JAK2: variants seen among roughly 807,000 people sequenced by gnomAD.
JAK2 encodes the protein Janus kinase 2.
In JAK2, 86 loss-of-function variants were observed where a neutral mutation model predicts 139.3. That is an observed-to-expected ratio of 0.62 (90% CI 0.52 to 0.74). JAK2 has a LOEUF of 0.74. Ranked by LOEUF, JAK2 falls within the 30% of genes least tolerant of loss-of-function variation. The pLI, the probability that JAK2 is intolerant of heterozygous loss-of-function variation, is 0.00. For missense variants in JAK2, 1,421 were observed against 1,360.3 expected, an observed-to-expected ratio of 1.04 and a Z score of -0.70; for synonymous variants, 490 against 437.7, an observed-to-expected ratio of 1.12 and a Z score of -1.49.
intron 4 of JAK2, among the ~76,000 whole-genome samples, chr9:5,032,870 C>T (rs1262999454): frequency 6.6e-6 from 1 of 152,192 alleles, no homozygotes; most frequent in Non-Finnish European, 1.5e-5. Context: ...CAGCTCCTTA[C>T]CAGCAACGGA....
chr9:5,063,617 G>T (rs900567533), intron 8 of JAK2, among the ~76,000 whole-genome samples: 1 of 152,024 alleles, frequency 6.6e-6, no homozygotes, highest in Non-Finnish European at 1.5e-5. Context: ...ATTTAGAGAG[G>T]ATTTTTACAT....
intron 22 of JAK2, chr9:5,112,450 G>A (rs1215031414): frequency 3.7e-6 from 2 of 534,334 alleles, no homozygotes; most frequent in East Asian, 3.5e-5. Context: ...GGAGAAGAAG[G>A]AGCTGAAGGA....
intron 4 of JAK2, among the ~76,000 whole-genome samples, chr9:5,043,851 G>C (rs975937218): frequency 3.3e-5 from 5 of 152,166 alleles, no homozygotes; most frequent in Non-Finnish European, 7.4e-5. Flanking sequence ...AGACAGAAAG[G>C]CCACATGTTC....
rs757581014 is a variant in JAK2 at position 5,128,377 on chromosome 9, T to G, written c.*1586T>G. Among the ~76,000 whole-genome samples, 3 of 151,850 alleles carry G rather than the reference T, an allele frequency of 2.0e-5. No individual in the cohort carries two copies. The South Asian group carries it at 6.2e-4, about 31-fold the overall frequency. On this transcript the variant is annotated 3_prime_UTR_variant, in exon 25 of 25. Transcript: ENST00000381652. ...TTAGGTTTTAAAAAGATTTTAGATT[T>G]TTTTGAAAGTTTAATTTTTATTTGT... is the stretch of plus-strand genomic sequence containing the variant.
At chr9:4,998,709 CA>C (rs1210402493) in intron 2 of JAK2, among the ~76,000 whole-genome samples, 2 of 149,546 alleles carry the variant, frequency 1.3e-5, no homozygotes, top group African/African-American at 4.9e-5. Context: ...AGAAGTAGCT[CA>C]AAATCTCCTA....
chr9:4,990,136 G>A (rs1375469508), intron 2 of JAK2, among the ~76,000 whole-genome samples: 1 of 152,184 alleles, frequency 6.6e-6, no homozygotes, highest in Non-Finnish European at 1.5e-5. Context: ...GATAAGAAGG[G>A]AGAATGGAGG....
chr9:5,080,886 C>A (rs1179910804), intron 18 of JAK2, among the ~76,000 whole-genome samples: 2 of 138,856 alleles, frequency 1.4e-5, no homozygotes, highest in African/African-American at 5.6e-5. Flanking sequence ...TATAAAAAGA[C>A]CTTTTCTTTT....
chr9:5,099,875 C>G (rs1319270389), intron 22 of JAK2: 11 of 152,150 alleles, frequency 7.2e-5, no homozygotes, highest in Admixed American at 7.2e-4. Flanking sequence ...ATAGCAATCC[C>G]CCTGTGAGCA....
intron 5 of JAK2, among the ~76,000 whole-genome samples, chr9:5,047,913 G>A (rs1183037203): frequency 6.6e-6 from 1 of 152,020 alleles, no homozygotes; most frequent in Non-Finnish European, 1.5e-5. Context: ...AAATTTTTCA[G>A]TAGTTCTAAT....
At chr9:5,112,076 TAAGA>T (rs1442073311) in intron 22 of JAK2, 1 of 386,476 alleles carries the variant, frequency 2.6e-6, no homozygotes, top group Non-Finnish European at 5.2e-6. Context: ...GCCTGGAGAG[TAAGA>T]TAGAAGACCA....
Position 5,072,629 on chromosome 9 carries a change from G to A in JAK2, c.1776+3G>A, listed in dbSNP as rs374904370. ...AAGCACACAGAAACTATTCAGAGGT[G>A]TGTATGTTCTTTATATTGTTCATGT... On this transcript the variant is annotated splice_donor_region_variant and intron_variant, in intron 13 of 24. Transcript: ENST00000381652. 5.7e-6 allele frequency: 9 copies of A among 1,584,068 alleles called. No individual in the cohort carries two copies. Among genetic ancestry groups the A allele is most frequent in the Non-Finnish European group, 7.7e-6 (9 of 1,163,322 alleles).
chr9:5,114,435 A>G (rs967219219), intron 22 of JAK2: 3 of 486,778 alleles, frequency 6.2e-6, no homozygotes, highest in Non-Finnish European at 8.1e-6. Context: ...CTACCAGTGC[A>G]GGGTGACCCA....
chr9:5,042,216 C>A (rs1022556272), intron 4 of JAK2, among the ~76,000 whole-genome samples: 3 of 150,010 alleles, frequency 2.0e-5, no homozygotes, highest in Non-Finnish European at 4.4e-5. Flanking sequence ...CGGCTCACTG[C>A]AAGCTCCGCC....
At chr9:5,114,742 T>C (rs75448287) in intron 22 of JAK2, 15,028 of 358,652 alleles carry the variant, frequency 0.042, 437 homozygotes, top group Middle Eastern at 0.075. Context: ...ATCTGCTCTG[T>C]GGTCCATGAG....
At position 4,985,347 on chromosome 9, in the gene JAK2, G is replaced by A. The variant is rs1819881413; in HGVS notation, c.-392G>A. Reference sequence around the variant, plus strand: ...GCTGGGCCGGCGCCCGGCTCGCTTGGGTGTTCGCGTCGCCACTTCGGCTTC... The same window carrying A: ...GCTGGGCCGGCGCCCGGCTCGCTTGAGTGTTCGCGTCGCCACTTCGGCTTC... On this transcript the variant is annotated 5_prime_UTR_variant, in exon 1 of 25. Transcript: ENST00000381652. The A allele has an allele frequency of 6.6e-6, 1 of 152,518 alleles. No individual in the cohort carries two copies. Among genetic ancestry groups the A allele is most frequent in the African/African-American group, 2.4e-5 (1 of 41,464 alleles). 9.4% of individuals were successfully genotyped at this position (152,518 alleles called of 1,614,324 possible). A position where few individuals can be genotyped will look rare whatever the true frequency, so the allele number is the denominator to read the frequency against.
chr9:5,103,221 C>CAAAAAAAAAA lies in JAK2; in HGVS notation c.3059+12335_3059+12344dup. Among the ~76,000 whole-genome samples the CAAAAAAAAAA allele has an allele frequency of 7.3e-4, 5 of 6,872 alleles. 1 individual carries two copies. The highest frequency in any genetic ancestry group is 1.0e-3 in the Non-Finnish European group (4 of 4,008). 4.5% of individuals were successfully genotyped at this position (6,872 alleles called of 152,430 possible). On this transcript the variant is annotated intron_variant, in intron 22 of 24. Transcript: ENST00000381652. Reference sequence around the variant, plus strand: ...GAAGATCTACCAAGCAAAGGGAAAGCAAAAAAAAAAAAAAAAAAAAAAAAA... The same window carrying CAAAAAAAAAA: ...GAAGATCTACCAAGCAAAGGGAAAGCAAAAAAAAAAAAAAAAAAAAAAAAAAAAAAAAAAA...
chr9:5,109,457 G>A (rs1411030691), intron 22 of JAK2: 1 of 152,052 alleles, frequency 6.6e-6, no homozygotes, highest in Non-Finnish European at 1.5e-5. Context: ...TTGGCCTTAG[G>A]AACCAAAAAC....
chr9:5,070,543 C>T (rs532709484), intron 12 of JAK2, among the ~76,000 whole-genome samples: 2 of 152,116 alleles, frequency 1.3e-5, no homozygotes, highest in Non-Finnish European at 2.9e-5. Flanking sequence ...ATCCTATGAA[C>T]ACTGTATTTC....
chr9:5,064,858 ATTTC>A (rs747807110), intron 8 of JAK2, 21 bp from the exon 9 acceptor site: 94 of 1,493,490 alleles, frequency 6.3e-5, no homozygotes, highest in Non-Finnish European at 8.1e-5. Flanking sequence ...AAAAGGTGCT[ATTTC>A]TTTTTCTTTT....
Sources: allele counts gnomAD v4.1 joint callset (sites outside exome capture counted in the v4.1 genomes callset), GRCh38; gene constraint gnomAD v4.1.1; transcripts MANE v1.5; gene names NCBI Gene and HGNC (gene_info 2026-07-23, HGNC 2026-07-21).